The following PLEKHG5 variants were observed in gnomAD, a reference collection of about 807,000 sequenced individuals.
The protein encoded by PLEKHG5 is pleckstrin homology and RhoGEF domain containing G5, also known as pleckstrin homology domain-containing family G member 5.
In PLEKHG5, 52 loss-of-function variants were observed where a neutral mutation model predicts 103.8. That is an observed-to-expected ratio of 0.50 (90% CI 0.40 to 0.63). PLEKHG5 has a LOEUF of 0.63. PLEKHG5 is among the 30% of genes least tolerant of loss of function. The probability of loss-of-function intolerance (pLI) is 0.00; values close to 1 mark genes in which losing one functional copy is unlikely to be tolerated. For missense variants in PLEKHG5, 1,205 were observed against 1,347.6 expected (o/e 0.89, Z 1.66); for synonymous variants, 592 against 575.5 (o/e 1.03, Z -0.41).
At chr1:6,509,823 A>T (rs147483224) in intron 1 of PLEKHG5, among the ~76,000 whole-genome samples, 1 of 152,204 alleles carries the variant, frequency 6.6e-6, no homozygotes, top group African/African-American at 2.4e-5. Context: ...TCTCCACAAG[A>T]CCCTGCACGC....
chr1:6,479,893 G>T (rs1644858730), intron 1 of PLEKHG5, among the ~76,000 whole-genome samples: 1 of 152,164 alleles, frequency 6.6e-6, no homozygotes, highest in African/African-American at 2.4e-5. Context: ...TTATAGGCAT[G>T]AGCCACTGTG....
intron 1 of PLEKHG5, among the ~76,000 whole-genome samples, chr1:6,502,103 G>A (rs61780719): frequency 0.011 from 1,684 of 152,378 alleles, 10 homozygotes; most frequent in Non-Finnish European, 0.018. Context: ...TGCTGGGGCT[G>A]GACCTCTTAG....
intron 1 of PLEKHG5, among the ~76,000 whole-genome samples, chr1:6,508,545 C>G (rs983842575): frequency 3.3e-5 from 5 of 152,226 alleles, no homozygotes; most frequent in African/African-American, 1.2e-4. Context: ...GCAGCGCCAG[C>G]CCCTCTCTCT....
At chr1:6,492,797 C>T (rs1229109973), upstream of PLEKHG5, among the ~76,000 whole-genome samples, 1 of 152,042 alleles carries the variant, frequency 6.6e-6, no homozygotes, top group East Asian at 1.9e-4. Flanking sequence ...CTCTACATAT[C>T]TTCATCCTGG....
intron 1 of PLEKHG5, among the ~76,000 whole-genome samples, chr1:6,506,430 G>T (rs556741209): frequency 6.6e-6 from 1 of 152,218 alleles, no homozygotes; most frequent in Non-Finnish European, 1.5e-5. Flanking sequence ...CGGCCCCCTC[G>T]GAGCCCCCAC....
rs58029228 is a variant in PLEKHG5 at position 6,481,007 on chromosome 1, C to T, written c.-87-3349G>A. ...CCCCATCTGGTCAGCCCGAAAATCCCGCTGGCTCCACCTTTAGTATCTGTG... is the reference window on the plus strand; with the variant it reads ...CCCCATCTGGTCAGCCCGAAAATCCTGCTGGCTCCACCTTTAGTATCTGTG... On this transcript the variant is annotated intron_variant, in intron 1 of 20. Transcript: ENST00000377728. Among the ~76,000 whole-genome samples the T allele has an allele frequency of 4.8e-3, 726 of 152,244 alleles. 6 individuals are homozygous for T. The highest frequency in any genetic ancestry group is 0.017 in the African/African-American group (691 of 41,534).
chr1:6,512,930 C>T (rs990537387), intron 1 of PLEKHG5, among the ~76,000 whole-genome samples: 5 of 152,228 alleles, frequency 3.3e-5, no homozygotes, highest in African/African-American at 1.2e-4. Context: ...AGGAGAGTCC[C>T]CTCCAAACTC....
chr1:6,481,508 G>A (rs1021659509), intron 1 of PLEKHG5, among the ~76,000 whole-genome samples: 1 of 149,342 alleles, frequency 6.7e-6, no homozygotes, highest in African/African-American at 2.5e-5. Context: ...TCCAGCCTGG[G>A]GCAAAACTCC....
At chr1:6,480,917 T>C (rs1377405100) in intron 1 of PLEKHG5, among the ~76,000 whole-genome samples, 3 of 152,060 alleles carry the variant, frequency 2.0e-5, no homozygotes, top group Non-Finnish European at 4.4e-5. Flanking sequence ...CTGGAATTAG[T>C]GCTGGGATTA....
chr1:6,471,606 G>T lies in PLEKHG5; in HGVS notation c.1163C>A (p.Pro388Gln), dbSNP rs746094917. The T allele has an allele frequency of 6.3e-7, 1 of 1,594,912 alleles. No homozygotes were observed. The highest frequency in any genetic ancestry group is 8.5e-7 in the Non-Finnish European group (1 of 1,171,738). Reference sequence around the variant, plus strand: ...CCTGCGGTGCAGCTGCGCGATCTCCGGGATGTTGCTGAACAGGCGCTCCGC... The same window carrying T: ...CCTGCGGTGCAGCTGCGCGATCTCCTGGATGTTGCTGAACAGGCGCTCCGC... ...VEAERLFSNIPEIAQLHRRLW... is the reference protein window; with the variant it reads ...VEAERLFSNIQEIAQLHRRLW... The change falls in exon 12 of 21, where the codon CCG becomes CAG. Residue 388 changes from proline to glutamine, a missense_variant. Coordinates refer to ENST00000377728, the MANE Select transcript of PLEKHG5 (RefSeq NM_020631.6).
chr1:6,472,994 C>T lies in PLEKHG5; in HGVS notation c.976G>A (p.Gly326Arg). The part of the protein sequence containing the change: ...LEDSWRELID[G>R]HEKLTRRQCH... ...CTGTGGCCCGCACTCACCTCATGCC[C>T]ATCAATGAGCTCCCGCCAGCTGTCC... The change falls in exon 9 of 21, where the codon GGG (glycine) becomes AGG (arginine). Residue 326 changes from glycine to arginine, a missense_variant. By Grantham distance (125) the Gly-to-Arg change is moderately radical. Coordinates refer to ENST00000377728, the MANE Select transcript of PLEKHG5 (RefSeq NM_020631.6). The T allele has an allele frequency of 1.9e-6, 3 of 1,613,948 alleles. No homozygotes were observed. Among genetic ancestry groups the T allele is most frequent in the Non-Finnish European group, 2.5e-6 (3 of 1,179,930 alleles).
At position 6,471,845 on chromosome 1, in the gene PLEKHG5, G is replaced by C. The variant is rs907010261; in HGVS notation, c.1081-37C>G. On this transcript the variant is annotated intron_variant, in intron 10 of 20. Transcript: ENST00000377728. ...GGGGATGGTGTGACTGGGGTCGGGA[G>C]GCTGTCTCAGCCCTAGGGCCCCACC... The C allele has an allele frequency of 3.8e-6, 6 of 1,573,638 alleles. No individual in the cohort carries two copies. In the African/African-American group the frequency reaches 8.1e-5, roughly 21 times the overall value.
rs558445243 is a variant in PLEKHG5, at chr1:6,505,910, C to T, written c.-164-9341G>A. Reference sequence around the variant, plus strand: ...GGAGTGGCTCTGGCCCCCACACCACCGTGGAGCAAGTGACTGTCAGCAGCA... The same window carrying T: ...GGAGTGGCTCTGGCCCCCACACCACTGTGGAGCAAGTGACTGTCAGCAGCA... On this transcript the variant is annotated intron_variant, in intron 1 of 21. Coordinates refer to the PLEKHG5 transcript ENST00000377740. This position sits in a 1 kb window ranked among gnomAD's most constrained non-coding sequence, Gnocchi z 4.2. The T allele has an allele frequency of 1.3e-5, 2 of 152,710 alleles. No individual in the cohort carries two copies. Among genetic ancestry groups the T allele is most frequent in the East Asian group, 1.9e-4 (1 of 5,172 alleles). 9.5% of individuals were successfully genotyped at this position (152,710 alleles called of 1,614,324 possible). A position where few individuals can be genotyped will look rare whatever the true frequency, so the allele number is the denominator to read the frequency against.
intron 11 of PLEKHG5, 23 bp downstream of exon 11, chr1:6,471,735 G>A (rs758331042): frequency 6.9e-6 from 11 of 1,599,024 alleles, no homozygotes; most frequent in South Asian, 5.6e-5. Context: ...CTCACCCGCC[G>A]CCGCCCCCGA....
chr1:6,491,579 C>T lies in PLEKHG5; in HGVS notation c.-88+58G>A. ...TTCCCTGGGGCATCCTGGTCTGCCG[C>T]TGCTCACCCCCAAAGCATTGCCCAG... On this transcript the variant is annotated intron_variant, in intron 1 of 20. Transcript: ENST00000377728. This position sits in a 1 kb window ranked among gnomAD's most constrained non-coding sequence, Gnocchi z 4.1. 3.4e-6 allele frequency: 3 copies of T among 890,152 alleles called. No individual in the cohort carries two copies. The highest frequency in any genetic ancestry group is 4.0e-6 in the Non-Finnish European group (3 of 743,698). 55.1% of individuals were successfully genotyped at this position (890,152 alleles called of 1,614,324 possible). A position where few individuals can be genotyped will look rare whatever the true frequency, so the allele number is the denominator to read the frequency against.
At position 6,491,038 on chromosome 1, in the gene PLEKHG5, T is replaced by C. The variant is rs1440756209; in HGVS notation, c.-88+599A>G. ...CGCTCTATTGTAAAAAGCTGGATTCTGATCTGCGGCCTCCGCGGTGCCCCA... is the reference window on the plus strand; with the variant it reads ...CGCTCTATTGTAAAAAGCTGGATTCCGATCTGCGGCCTCCGCGGTGCCCCA... On this transcript the variant is annotated intron_variant, in intron 1 of 20. Coordinates refer to ENST00000377728, the MANE Select transcript of PLEKHG5 (RefSeq NM_020631.6). This position sits in a 1 kb window ranked among gnomAD's most constrained non-coding sequence, Gnocchi z 4.1. Among the ~76,000 whole-genome samples, 2 of 151,742 alleles carry C rather than the reference T, an allele frequency of 1.3e-5. No individual in the cohort carries two copies. Among genetic ancestry groups the C allele is most frequent in the African/African-American group, 4.8e-5 (2 of 41,270 alleles).
Position 6,467,613 on chromosome 1 carries a change from G to A in PLEKHG5, c.3012-41C>T, listed in dbSNP as rs766971481. On this transcript the variant is annotated intron_variant, in intron 20 of 20. Transcript: ENST00000377728. ...GGGACAGAGTCCTTCTTTGGCTGAC[G>A]CCATTCAGAGTGGCTCTGGTCACCC... 2.4e-5 allele frequency: 38 copies of A among 1,606,930 alleles called. 1 individual carries two copies. Among genetic ancestry groups the A allele is most frequent in the Non-Finnish European group, 2.7e-5 (32 of 1,174,354 alleles).
At chr1:6,508,217 G>A (rs557383658) in intron 1 of PLEKHG5, among the ~76,000 whole-genome samples, 5 of 152,250 alleles carry the variant, frequency 3.3e-5, no homozygotes, top group South Asian at 4.1e-4. Context: ...TTTCGGGCTC[G>A]GAGGCTGAAC....
rs939853996 is a variant in PLEKHG5, at chr1:6,470,548, G to A, written c.1638C>T (p.Asp546=). 1.9e-6 allele frequency: 3 copies of A among 1,605,098 alleles called. No individual in the cohort carries two copies. The highest frequency in any genetic ancestry group is 1.1e-5 in the South Asian group (1 of 90,982). The change falls in exon 15 of 21, where the codon GAC becomes GAT. Residue 546 remains aspartate, a synonymous_variant. Coordinates refer to ENST00000377728, the MANE Select transcript of PLEKHG5 (RefSeq NM_020631.6). ...QRLAAVVSRI[D]AYEVVESSSD... Reference sequence around the variant, plus strand: ...TGCTGCTTTCCACCACCTCGTAGGCGTCGATGCGGCTCACCACGGCCGCCA... The same window carrying A: ...TGCTGCTTTCCACCACCTCGTAGGCATCGATGCGGCTCACCACGGCCGCCA...
Sources: allele counts gnomAD v4.1 joint callset (sites outside exome capture counted in the v4.1 genomes callset), GRCh38; gene constraint gnomAD v4.1.1; non-coding constraint Gnocchi (gnomAD v3.1); transcripts MANE v1.5; gene names NCBI Gene and HGNC (gene_info 2026-07-23, HGNC 2026-07-21).